ANO6: variants seen among roughly 807,000 people sequenced by gnomAD.
The protein encoded by ANO6 is anoctamin-6.
Under a neutral mutation model 117.5 loss-of-function variants are expected in ANO6, and 106 were observed. The ratio of observed to expected loss-of-function variants is 0.90; its 90% confidence interval spans 0.77 to 1.06. ANO6 has a LOEUF of 1.06. ANO6 is among the 50% of genes least tolerant of loss of function. ANO6 has a pLI of 0.00. For missense variants in ANO6, 955 were observed against 1,121.1 expected, an observed-to-expected ratio of 0.85 and a Z score of 2.12; for synonymous variants, 367 against 385.1, an observed-to-expected ratio of 0.95 and a Z score of 0.55.
intron 9 of ANO6, among the ~76,000 whole-genome samples, chr12:45,375,464 G>A (rs1279986312): frequency 2.0e-5 from 3 of 152,116 alleles, no homozygotes; most frequent in Non-Finnish European, 2.9e-5. Flanking sequence ...ATACTACAAG[G>A]CTACAGTAAC....
chr12:45,412,809 G>C (rs1258868681), intron 16 of ANO6, among the ~76,000 whole-genome samples: 1 of 152,212 alleles, frequency 6.6e-6, no homozygotes, highest in East Asian at 1.9e-4. Flanking sequence ...CCCTCACGGA[G>C]CTCAGCGCTT....
intron 2 of ANO6, among the ~76,000 whole-genome samples, chr12:45,305,307 C>T (rs763185979): frequency 6.6e-6 from 1 of 152,176 alleles, no homozygotes. Flanking sequence ...AAAACTGTCC[C>T]AATCCTGGTT....
chr12:45,400,243 T>C (rs1942747866), intron 12 of ANO6, among the ~76,000 whole-genome samples: 1 of 152,226 alleles, frequency 6.6e-6, no homozygotes, highest in African/African-American at 2.4e-5. Flanking sequence ...CAGAGAGCAC[T>C]TAAAGAATGT....
At chr12:45,343,935 G>A (rs1941053178) in intron 3 of ANO6, among the ~76,000 whole-genome samples, 1 of 152,088 alleles carries the variant, frequency 6.6e-6, no homozygotes. Context: ...CATTCAATTT[G>A]GAGCCTGGAG....
intron 2 of ANO6, among the ~76,000 whole-genome samples, chr12:45,328,365 C>A (rs922831997): frequency 7.2e-5 from 11 of 151,996 alleles, no homozygotes; most frequent in African/African-American, 2.4e-4. Flanking sequence ...GTTCTTGGCA[C>A]TTTTTTGGCT....
At chr12:45,253,244 A>G (rs35179649) in intron 1 of ANO6, among the ~76,000 whole-genome samples, 1 of 152,250 alleles carries the variant, frequency 6.6e-6, no homozygotes, top group Non-Finnish European at 1.5e-5. Context: ...ATGAGAATAT[A>G]CAGAGAAAAT....
intron 3 of ANO6, among the ~76,000 whole-genome samples, chr12:45,344,974 G>A (rs1941087846): frequency 6.6e-6 from 1 of 152,158 alleles, no homozygotes; most frequent in Non-Finnish European, 1.5e-5. Context: ...CTTTTGGGGA[G>A]CGGAGTAGGA....
At chr12:45,437,643 C>T (rs982811354) in intron 19 of ANO6, among the ~76,000 whole-genome samples, 2 of 152,108 alleles carry the variant, frequency 1.3e-5, no homozygotes, top group Admixed American at 1.3e-4. Context: ...AATCTCGGCT[C>T]ATTGCAACCT....
chr12:45,360,067 A>G (rs11183000), intron 8 of ANO6, among the ~76,000 whole-genome samples: 22,778 of 152,190 alleles, frequency 0.15, 2,353 homozygotes, highest in East Asian at 0.46. Flanking sequence ...CTTCTTTGGA[A>G]AAAAATTTGT....
At chr12:45,306,288 T>C (rs1939665944) in intron 2 of ANO6, among the ~76,000 whole-genome samples, 1 of 152,210 alleles carries the variant, frequency 6.6e-6, no homozygotes, top group African/African-American at 2.4e-5. Context: ...CAACCGAGGA[T>C]GTTTTTCATT....
At chr12:45,373,526 G>A (rs1289314038) in intron 9 of ANO6, among the ~76,000 whole-genome samples, 3 of 152,184 alleles carry the variant, frequency 2.0e-5, no homozygotes, top group African/African-American at 4.8e-5. Flanking sequence ...AGACCACAGT[G>A]CAATAAAACT....
At chr12:45,348,825 A>G (rs1340122367) in intron 6 of ANO6, among the ~76,000 whole-genome samples, 194 bp downstream of exon 6, 1 of 152,202 alleles carries the variant, frequency 6.6e-6, no homozygotes, top group Non-Finnish European at 1.5e-5. Context: ...AAAGATACTC[A>G]GTTTTAAAGG....
intron 16 of ANO6, among the ~76,000 whole-genome samples, chr12:45,416,020 GA>G (rs945695367): frequency 1.3e-5 from 2 of 152,134 alleles, no homozygotes; most frequent in African/African-American, 4.8e-5. Flanking sequence ...CAAACAAGGA[GA>G]AAAGAACTTC....
chr12:45,251,089 C>T (rs1565645698), intron 1 of ANO6, among the ~76,000 whole-genome samples: 1 of 151,534 alleles, frequency 6.6e-6, no homozygotes, highest in Admixed American at 6.6e-5. Context: ...AAAAAACCCA[C>T]AAAAAAACCC....
At chr12:45,290,970 C>T (rs2137276470) in intron 1 of ANO6, among the ~76,000 whole-genome samples, 1 of 152,158 alleles carries the variant, frequency 6.6e-6, no homozygotes, top group South Asian at 2.1e-4. Context: ...AATCAAGAGT[C>T]CAGAAATAAA....
chr12:45,415,173 C>T (rs144917115), intron 16 of ANO6, among the ~76,000 whole-genome samples: 1 of 152,192 alleles, frequency 6.6e-6, no homozygotes, highest in African/African-American at 2.4e-5. Flanking sequence ...CAAGTTTGCC[C>T]AATCAAGAGT....
chr12:45,396,404 A>G (rs1942614312), intron 12 of ANO6, among the ~76,000 whole-genome samples: 1 of 152,236 alleles, frequency 6.6e-6, no homozygotes, highest in Admixed American at 6.5e-5. Context: ...TATCGTGAAA[A>G]TGGCCATACT....
chr12:45,356,259 C>G (rs1941408531), intron 7 of ANO6, among the ~76,000 whole-genome samples: 1 of 152,092 alleles, frequency 6.6e-6, no homozygotes, highest in Admixed American at 6.5e-5. Flanking sequence ...TCATATGCAT[C>G]CTTCCCTCTT....
At chr12:45,277,483 C>A (rs1286944786) in intron 1 of ANO6, among the ~76,000 whole-genome samples, 1 of 152,114 alleles carries the variant, frequency 6.6e-6, no homozygotes, top group Non-Finnish European at 1.5e-5. Context: ...TAGACCTCAG[C>A]CGAGTGAGGG....
Sources: gnomAD v4.1 joint callset for allele counts (sites outside exome capture counted in the v4.1 genomes callset) on GRCh38, gnomAD v4.1.1 for gene constraint, MANE v1.5 for transcripts, NCBI Gene and HGNC (gene_info 2026-07-23, HGNC 2026-07-21) for gene names.